The following AGBL4 variants were observed in gnomAD, a reference collection of about 807,000 sequenced individuals.
AGBL4 encodes AGBL carboxypeptidase 4, also known as cytosolic carboxypeptidase 6.
In AGBL4, 58 loss-of-function variants were observed where a neutral mutation model predicts 66.4. The observed-to-expected ratio is 0.87, with a 90% confidence interval of 0.71 to 1.09. AGBL4 has a LOEUF of 1.09. Ranked by LOEUF, AGBL4 falls within the 50% of genes least tolerant of loss-of-function variation. AGBL4 has a pLI of 0.00. For synonymous variants in AGBL4, 234 were observed against 222.9 expected, an observed-to-expected ratio of 1.05 and a Z score of -0.44; for missense variants, 579 against 631.0, an observed-to-expected ratio of 0.92 and a Z score of 0.88.
chr1:49,446,816 G>A (rs1393649408), intron 3 of AGBL4, among the ~76,000 whole-genome samples: 1 of 152,080 alleles, frequency 6.6e-6, no homozygotes, highest in African/African-American at 2.4e-5. Flanking sequence ...TTTAAACCTG[G>A]TACTACATGA....
chr1:48,931,913 T>A (rs915750026), intron 5 of AGBL4, among the ~76,000 whole-genome samples: 1 of 152,156 alleles, frequency 6.6e-6, no homozygotes, highest in South Asian at 2.1e-4. Context: ...CTTCCTTTCC[T>A]CCTGGCTCCC....
chr1:48,616,350 T>C (rs1016649931), intron 9 of AGBL4, among the ~76,000 whole-genome samples: 1 of 152,114 alleles, frequency 6.6e-6, no homozygotes, highest in African/African-American at 2.4e-5. Context: ...GTATAACCTC[T>C]CCATTGAACA....
intron 4 of AGBL4, among the ~76,000 whole-genome samples, chr1:49,188,318 G>A (rs1647052077): frequency 6.6e-6 from 1 of 152,084 alleles, no homozygotes; most frequent in African/African-American, 2.4e-5. Flanking sequence ...AGAAAATGCT[G>A]TGCACCTATA....
At chr1:48,711,914 C>T (rs568912416) in intron 6 of AGBL4, among the ~76,000 whole-genome samples, 1 of 152,332 alleles carries the variant, frequency 6.6e-6, no homozygotes, top group East Asian at 1.9e-4. Context: ...AACTGGAGTA[C>T]ATCCTCCTTC....
intron 4 of AGBL4, among the ~76,000 whole-genome samples, chr1:49,127,408 A>G (rs1206507481): frequency 6.6e-6 from 1 of 152,172 alleles, no homozygotes; most frequent in Non-Finnish European, 1.5e-5. Context: ...GTAACCAAAT[A>G]CCACCTGTTC....
At chr1:49,043,560 C>T (rs1296329923) in intron 5 of AGBL4, among the ~76,000 whole-genome samples, 1 of 152,178 alleles carries the variant, frequency 6.6e-6, no homozygotes, top group Non-Finnish European at 1.5e-5. Context: ...ATTGCCCACA[C>T]CTTGTAAATA....
intron 3 of AGBL4, among the ~76,000 whole-genome samples, chr1:49,425,652 T>C (rs1645639965): frequency 6.6e-6 from 1 of 152,222 alleles, no homozygotes; most frequent in African/African-American, 2.4e-5. Context: ...CCCCTGCTCA[T>C]ACATATTAAT....
intron 4 of AGBL4, among the ~76,000 whole-genome samples, chr1:49,080,793 G>T (rs776388368): frequency 2.6e-5 from 4 of 152,086 alleles, no homozygotes; most frequent in African/African-American, 4.8e-5. Flanking sequence ...TGAAACAAAA[G>T]ATTCTCTTTA....
chr1:49,003,177 C>T (rs766313435), intron 5 of AGBL4, among the ~76,000 whole-genome samples: 1 of 152,150 alleles, frequency 6.6e-6, no homozygotes, highest in East Asian at 1.9e-4. Context: ...GCAGGTGGAT[C>T]GCCTGACGTC....
chr1:48,543,381 ACCATCCAT>A (rs10568742), intron 11 of AGBL4, among the ~76,000 whole-genome samples: 73,837 of 148,384 alleles, frequency 0.5, 18,871 homozygotes, highest in Non-Finnish European at 0.57. Context: ...GAAATGATTT[ACCATCCAT>A]CCATCCATCC....
chr1:49,978,964 G>A (rs1658820392), intron 1 of AGBL4, among the ~76,000 whole-genome samples: 1 of 151,998 alleles, frequency 6.6e-6, no homozygotes. Flanking sequence ...ATTTTTTTCA[G>A]TAAGTATATT....
chr1:48,664,552 C>T (rs1242610491), intron 6 of AGBL4, among the ~76,000 whole-genome samples: 2 of 152,140 alleles, frequency 1.3e-5, no homozygotes, highest in African/African-American at 2.4e-5. Context: ...ATGTACAAAG[C>T]CCAACTCTCT....
At chr1:48,738,674 T>C (rs1649446346) in intron 6 of AGBL4, among the ~76,000 whole-genome samples, 1 of 152,200 alleles carries the variant, frequency 6.6e-6, no homozygotes, top group Non-Finnish European at 1.5e-5. Flanking sequence ...AACTTTACAT[T>C]TTTCAAAAAT....
At chr1:49,579,396 T>C (rs140557142) in intron 3 of AGBL4, among the ~76,000 whole-genome samples, 1 of 152,370 alleles carries the variant, frequency 6.6e-6, no homozygotes, top group African/African-American at 2.4e-5. Flanking sequence ...GTATGATTTT[T>C]ATTTTTAAAA....
intron 3 of AGBL4, among the ~76,000 whole-genome samples, chr1:49,500,225 T>G (rs1279500928): frequency 6.6e-6 from 1 of 152,038 alleles, no homozygotes; most frequent in Non-Finnish European, 1.5e-5. Context: ...ATGGGATTAT[T>G]TGTTTTCTTC....
chr1:49,494,495 A>C (rs529248267), intron 3 of AGBL4, among the ~76,000 whole-genome samples: 2 of 151,832 alleles, frequency 1.3e-5, no homozygotes, highest in Non-Finnish European at 2.9e-5. Flanking sequence ...TCATTGTTCA[A>C]TTCCCACCTA....
At chr1:49,714,652 C>T (rs1179542658) in intron 2 of AGBL4, among the ~76,000 whole-genome samples, 1 of 150,796 alleles carries the variant, frequency 6.6e-6, no homozygotes, top group Non-Finnish European at 1.5e-5. Context: ...TTACACATCA[C>T]ATTTTCTTTG....
intron 11 of AGBL4, among the ~76,000 whole-genome samples, chr1:48,572,911 A>C (rs1413472418): frequency 6.6e-6 from 1 of 152,202 alleles, no homozygotes; most frequent in Non-Finnish European, 1.5e-5. Flanking sequence ...TGGCAGAGGG[A>C]AGGAGCTGGA....
chr1:49,535,350 AAT>A (rs889653869), intron 3 of AGBL4, among the ~76,000 whole-genome samples: 38 of 148,114 alleles, frequency 2.6e-4, no homozygotes, highest in East Asian at 1.2e-3. Context: ...ATGACATAAT[AAT>A]ATGTTATATT....
Sources: gnomAD v4.1 joint callset for allele counts (sites outside exome capture counted in the v4.1 genomes callset) on GRCh38, gnomAD v4.1.1 for gene constraint, MANE v1.5 for transcripts, NCBI Gene and HGNC (gene_info 2026-07-23, HGNC 2026-07-21) for gene names.